DCLK1: variants seen among roughly 807,000 people sequenced by gnomAD.
DCLK1 encodes doublecortin like kinase 1.
Under a neutral mutation model 86.2 loss-of-function variants are expected in DCLK1, and 16 were observed. The observed-to-expected ratio is 0.19, with a 90% CI of 0.13 to 0.28. DCLK1 has a LOEUF of 0.28. DCLK1 is among the 10% of genes least tolerant of loss of function. DCLK1 has a pLI of 1.00. For synonymous variants in DCLK1, 369 were observed against 370.5 expected (o/e 1.00, Z 0.05); for missense variants, 590 against 940.2 (o/e 0.63, Z 4.87).
At chr13:36,122,335 A>G (rs1886021977) in intron 2 of DCLK1, among the ~76,000 whole-genome samples, 2 of 152,208 alleles carry the variant, frequency 1.3e-5, no homozygotes, top group South Asian at 2.1e-4. Context: ...ACCAAAGAAG[A>G]AGAGGGACTC....
chr13:35,927,479 C>G (rs1876189390), intron 4 of DCLK1, among the ~76,000 whole-genome samples: 2 of 152,160 alleles, frequency 1.3e-5, no homozygotes, highest in African/African-American at 4.8e-5. Flanking sequence ...CTGATAAGTT[C>G]ATTGTTTTTG....
rs74417803 is a variant in DCLK1, at chr13:36,121,133, G to A, written c.376+4629C>T. ...CTAAAAGCATATTGATAAAAGACTG[G>A]TTAAATTAATGATGGTAACTTTGTA... On this transcript the variant is annotated intron_variant, in intron 2 of 16. Transcript: ENST00000360631. 3.9e-5 allele frequency among the ~76,000 whole-genome samples: 6 copies of A among 152,256 alleles called. No homozygotes were observed. In the East Asian group the frequency reaches 1.2e-3, roughly 29 times the overall value.
At chr13:35,892,051 T>C (rs1276997401) in intron 4 of DCLK1, among the ~76,000 whole-genome samples, 2 of 152,200 alleles carry the variant, frequency 1.3e-5, no homozygotes, top group African/African-American at 4.8e-5. Context: ...AAGGCATTTA[T>C]CTTGGTGGGT....
intron 8 of DCLK1, among the ~76,000 whole-genome samples, chr13:35,833,505 G>C (rs1869124208): frequency 6.6e-6 from 1 of 152,118 alleles, no homozygotes; most frequent in African/African-American, 2.4e-5. Context: ...AGGTACCCCA[G>C]AGGCCACTCA....
intron 3 of DCLK1, among the ~76,000 whole-genome samples, chr13:36,000,981 T>C (rs984581696): frequency 2.6e-5 from 4 of 151,488 alleles, no homozygotes; most frequent in Non-Finnish European, 4.4e-5. Flanking sequence ...AGAGTTTCAC[T>C]TTTGTTGCCC....
intron 4 of DCLK1, among the ~76,000 whole-genome samples, chr13:35,945,776 C>T (rs888312475): frequency 1.3e-5 from 2 of 152,094 alleles, no homozygotes; most frequent in Non-Finnish European, 2.9e-5. Context: ...GGACACTATA[C>T]TTGTGATATA....
intron 8 of DCLK1, among the ~76,000 whole-genome samples, chr13:35,828,626 CCTT>C (rs781509989): frequency 6.6e-6 from 1 of 152,144 alleles, no homozygotes; most frequent in Non-Finnish European, 1.5e-5. Context: ...TACTTTCCTT[CCTT>C]TTCTTACTGT....
intron 5 of DCLK1, among the ~76,000 whole-genome samples, chr13:35,867,344 GT>G (rs1288977192): frequency 6.6e-6 from 1 of 152,156 alleles, no homozygotes; most frequent in Non-Finnish European, 1.5e-5. Flanking sequence ...TGACCTAGAA[GT>G]TAAAGTGCTA....
chr13:36,119,381 A>C (rs1885900994), intron 2 of DCLK1, among the ~76,000 whole-genome samples: 1 of 152,226 alleles, frequency 6.6e-6, no homozygotes, highest in Admixed American at 6.5e-5. Flanking sequence ...ACACTATAGT[A>C]ATAACTGCTA....
intron 5 of DCLK1, among the ~76,000 whole-genome samples, chr13:35,856,233 G>T (rs1230683118): frequency 6.6e-6 from 1 of 152,152 alleles, no homozygotes; most frequent in Non-Finnish European, 1.5e-5. Flanking sequence ...TAATTTGCTT[G>T]CATGCCACCA....
At chr13:36,024,781 A>G (rs1413366477) in intron 3 of DCLK1, among the ~76,000 whole-genome samples, 1 of 152,124 alleles carries the variant, frequency 6.6e-6, no homozygotes, top group African/African-American at 2.4e-5. Context: ...AATAGCCAAA[A>G]CAATCCCGAG....
At chr13:35,912,858 C>A (rs1481591869) in intron 4 of DCLK1, among the ~76,000 whole-genome samples, 1 of 152,148 alleles carries the variant, frequency 6.6e-6, no homozygotes, top group Non-Finnish European at 1.5e-5. Context: ...GCTAAGATAG[C>A]ATTGTAACAC....
intron 3 of DCLK1, among the ~76,000 whole-genome samples, chr13:35,984,046 G>A (rs1211389201): frequency 2.6e-5 from 4 of 152,222 alleles, no homozygotes; most frequent in Admixed American, 1.3e-4. Flanking sequence ...CACTTACAGT[G>A]GTGCAGGTGA....
chr13:36,044,911 G>A (rs1396820385), intron 3 of DCLK1, among the ~76,000 whole-genome samples: 1 of 151,898 alleles, frequency 6.6e-6, no homozygotes, highest in Non-Finnish European at 1.5e-5. Context: ...AGGAAAGATG[G>A]GACAGGTAAA....
chr13:36,070,567 C>T (rs946451426), intron 3 of DCLK1, among the ~76,000 whole-genome samples: 2 of 152,190 alleles, frequency 1.3e-5, no homozygotes, highest in Admixed American at 6.5e-5. Flanking sequence ...ATTGGCTGAC[C>T]ACATTCTCCT....
intron 3 of DCLK1, among the ~76,000 whole-genome samples, chr13:36,020,607 C>T (rs1881735383): frequency 6.6e-6 from 1 of 152,082 alleles, no homozygotes; most frequent in Admixed American, 6.6e-5. Flanking sequence ...TGAACAGTCC[C>T]TCAGTGACCT....
chr13:36,029,353 A>G (rs1882174666), intron 3 of DCLK1, among the ~76,000 whole-genome samples: 1 of 152,172 alleles, frequency 6.6e-6, no homozygotes, highest in Non-Finnish European at 1.5e-5. Context: ...ATCCATTGGA[A>G]GTCTGTTTTT....
At chr13:35,880,419 A>G (rs1469735605) in intron 4 of DCLK1, among the ~76,000 whole-genome samples, 1 of 152,174 alleles carries the variant, frequency 6.6e-6, no homozygotes, top group Non-Finnish European at 1.5e-5. Context: ...CCTTCCAGGT[A>G]CCACTTGACC....
At chr13:35,872,183 T>A (rs1372988316) in intron 4 of DCLK1, among the ~76,000 whole-genome samples, 1 of 152,186 alleles carries the variant, frequency 6.6e-6, no homozygotes, top group Non-Finnish European at 1.5e-5. Context: ...TATATGCTTG[T>A]AAGGATAATC....
Sources: allele counts gnomAD v4.1 joint callset (sites outside exome capture counted in the v4.1 genomes callset), GRCh38; gene constraint gnomAD v4.1.1; transcripts MANE v1.5; gene names NCBI Gene and HGNC (gene_info 2026-07-23, HGNC 2026-07-21).